PHEX: variants seen among roughly 807,000 people sequenced by gnomAD.
PHEX encodes the protein phosphate-regulating neutral endopeptidase PHEX.
Under a neutral mutation model 68.0 loss-of-function variants are expected in PHEX, and 16 were observed. The ratio of observed to expected loss-of-function variants is 0.24; its 90% CI spans 0.16 to 0.36. The LOEUF (loss-of-function observed/expected upper bound fraction) is 0.36, where lower values mean the gene tolerates loss of function less well. Ranked by LOEUF, PHEX falls within the 10% of genes least tolerant of loss-of-function variation. The pLI is 1.00. For synonymous variants in PHEX, 208 were observed against 205.1 expected (o/e 1.01, Z -0.12); for missense variants, 480 against 575.5 (o/e 0.83, Z 1.70).
At chrX:22,068,960 G>A (rs762067439) in intron 3 of PHEX, among the ~76,000 whole-genome samples, 5 of 111,430 alleles carry the variant, frequency 4.5e-5, no homozygotes, top group Non-Finnish European at 9.4e-5. Flanking sequence ...GTGAAACCCC[G>A]ACTCTACTAA....
chrX:22,164,466 A>G (rs1401391280), intron 12 of PHEX, among the ~76,000 whole-genome samples: 2 of 111,458 alleles, frequency 1.8e-5, no homozygotes, highest in African/African-American at 6.5e-5. Flanking sequence ...TAAATAATAA[A>G]AAAGGATTCA....
rs537396507 is a variant in PHEX, at chrX:22,216,811, C to T, written c.1701-2225C>T. 1.3e-4 allele frequency among the ~76,000 whole-genome samples: 15 copies of T among 111,321 alleles called. No individual in the cohort carries two copies. In the South Asian group the frequency reaches 3.8e-3, roughly 28 times the overall value. On this transcript the variant is annotated intron_variant, in intron 16 of 21. Transcript: ENST00000379374. Reference sequence around the variant, plus strand: ...CTGGGATTACAGGCGTGAGCCACCACGCCTGGCCAATGACATGCTAATTTA... The same window carrying T: ...CTGGGATTACAGGCGTGAGCCACCATGCCTGGCCAATGACATGCTAATTTA...
chrX:22,061,048 G>T (rs1193578126), intron 3 of PHEX, among the ~76,000 whole-genome samples: 2 of 111,634 alleles, frequency 1.8e-5, no homozygotes, highest in Non-Finnish European at 3.8e-5. Context: ...TTCTCCAAGG[G>T]TCCACGTGTT....
In PHEX at chrX:22,185,236, A is replaced by G. The variant is rs1183233914; in HGVS notation, c.1587-5208A>G. 4.4e-5 allele frequency among the ~76,000 whole-genome samples: 5 copies of G among 112,501 alleles called. No individual in the cohort carries two copies. The Admixed American group carries it at 4.7e-4, about 11-fold the overall frequency. On this transcript the variant is annotated intron_variant, in intron 14 of 21. Transcript: ENST00000379374. ...TGCAGAAGCACCCTAAAGACATAGTAAGAAGAATTTAAAGCACTTGAATGA... is the reference window on the plus strand; with the variant it reads ...TGCAGAAGCACCCTAAAGACATAGTGAGAAGAATTTAAAGCACTTGAATGA...
At chrX:22,161,630 C>A (rs1274662911) in intron 12 of PHEX, among the ~76,000 whole-genome samples, 1 of 111,658 alleles carries the variant, frequency 9.0e-6, no homozygotes. Flanking sequence ...GTATTGGTCA[C>A]TTGCTATGTT....
At chrX:22,078,287 G>A (rs926145965) in intron 5 of PHEX, among the ~76,000 whole-genome samples, 33 of 111,861 alleles carry the variant, frequency 3.0e-4, no homozygotes, top group African/African-American at 1.0e-3. Flanking sequence ...CATACCCTGA[G>A]GCATTTCACA....
At chrX:22,072,185 G>A (rs978313817) in intron 3 of PHEX, among the ~76,000 whole-genome samples, 6 of 112,316 alleles carry the variant, frequency 5.3e-5, no homozygotes, top group African/African-American at 1.9e-4. Flanking sequence ...CTGAGATCCT[G>A]CCACTGCACT....
chrX:22,045,365 G>A lies in PHEX; in HGVS notation c.188-1685G>A, dbSNP rs773948235. 3.6e-5 allele frequency among the ~76,000 whole-genome samples: 4 copies of A among 111,472 alleles called. No individual in the cohort carries two copies. In the South Asian group the frequency reaches 1.1e-3, roughly 31 times the overall value. On this transcript the variant is annotated intron_variant, in intron 2 of 21. Transcript: ENST00000379374. The stretch of plus-strand genomic sequence containing the variant: ...TTAAAGTATGAAAATTGCCCAGAAT[G>A]TCATCTTTTCAATGTCATTAAAATA...
At chrX:22,099,423 A>C in intron 9 of PHEX, 1 of 319,916 alleles carries the variant, frequency 3.1e-6, no homozygotes, top group Non-Finnish European at 5.5e-6. Context: ...GAGCTTGGGG[A>C]GCTAGTCATA....
In PHEX at chrX:22,133,579, A is replaced by C. The variant is rs202164519; in HGVS notation, c.1359A>C (p.Glu453Asp). ...RWAFIDMLEK[E>D]NEWMDAGTKR... ...CCTTTATTGACATGCTAGAGAAAGA[A>C]AATGAGTGGATGGATGCAGGAACGA... Residue 453 changes from glutamate to aspartate, a missense_variant, in exon 12 of 22, where the codon GAA becomes GAC. Glu to Asp is a conservative substitution (Grantham distance 45, BLOSUM62 2). Transcript: ENST00000379374. 30 of 1,207,469 alleles carry C rather than the reference A, an allele frequency of 2.5e-5. No homozygotes were observed. Among genetic ancestry groups the C allele is most frequent in the Admixed American group, 4.4e-5 (2 of 45,671 alleles).
chrX:22,138,970 A>T lies in PHEX; in HGVS notation c.1404+5346A>T, dbSNP rs1033322978. 2.7e-5 allele frequency among the ~76,000 whole-genome samples: 3 copies of T among 111,574 alleles called. No individual in the cohort carries two copies. In the Admixed American group the frequency reaches 2.9e-4, roughly 11 times the overall value. On this transcript the variant is annotated intron_variant, in intron 12 of 21. Coordinates refer to ENST00000379374, the MANE Select transcript of PHEX (RefSeq NM_000444.6). ...CCAAGATGGCGGCCTTCATACTTGT[A>T]TCTCTTTCCTCTCACTGGCCTCAAC...
chrX:22,057,618 C>G (rs1218562549), intron 3 of PHEX, among the ~76,000 whole-genome samples: 1 of 110,704 alleles, frequency 9.0e-6, no homozygotes, highest in Non-Finnish European at 1.9e-5. Flanking sequence ...AGTCCCCTAC[C>G]CAATCTCCAA....
intron 12 of PHEX, among the ~76,000 whole-genome samples, chrX:22,141,075 C>T: frequency 9.0e-6 from 1 of 110,887 alleles, no homozygotes; most frequent in South Asian, 3.9e-4. Flanking sequence ...CAGTGGGTCT[C>T]AAAGTGTGGT....
chrX:22,122,522 A>T (rs983164688), intron 11 of PHEX, among the ~76,000 whole-genome samples: 1 of 112,128 alleles, frequency 8.9e-6, no homozygotes, highest in Non-Finnish European at 1.9e-5. Flanking sequence ...TCTTACCAAC[A>T]TGGGCAAATC....
intron 12 of PHEX, among the ~76,000 whole-genome samples, chrX:22,145,267 C>G (rs1028999643): frequency 8.9e-6 from 1 of 111,933 alleles, no homozygotes; most frequent in Non-Finnish European, 1.9e-5. Context: ...AGGCCACACC[C>G]CATATGAAGA....
At chrX:22,136,256 A>G (rs758376418) in intron 12 of PHEX, among the ~76,000 whole-genome samples, 1 of 111,114 alleles carries the variant, frequency 9.0e-6, no homozygotes, top group African/African-American at 3.3e-5. Context: ...GAAAGGAGAG[A>G]CTTTGCCTAA....
chrX:22,036,992 G>A (rs1353439078), intron 1 of PHEX, among the ~76,000 whole-genome samples: 4 of 107,205 alleles, frequency 3.7e-5, no homozygotes, highest in Non-Finnish European at 7.7e-5. Flanking sequence ...CCAGCTACTC[G>A]GGAGGCTGAG....
At chrX:22,178,470 G>A in intron 14 of PHEX, 94 bp downstream of exon 14, 1 of 509,720 alleles carries the variant, frequency 2.0e-6, no homozygotes, top group South Asian at 2.8e-5. Flanking sequence ...TCAAGTCAGA[G>A]TAGCTGGCTT....
chrX:22,225,212 C>G (rs964422393), intron 18 of PHEX, among the ~76,000 whole-genome samples: 1 of 109,372 alleles, frequency 9.1e-6, no homozygotes, highest in African/African-American at 3.3e-5. Flanking sequence ...CTCCTGCCTC[C>G]CTTTTCCTCT....
Sources: gnomAD v4.1 joint callset for allele counts (sites outside exome capture counted in the v4.1 genomes callset) on GRCh38, gnomAD v4.1.1 for gene constraint, MANE v1.5 for transcripts, NCBI Gene and HGNC (gene_info 2026-07-23, HGNC 2026-07-21) for gene names.